The following NRG1 variants were observed in gnomAD, a reference collection of about 807,000 sequenced individuals.
The protein encoded by NRG1 is pro-neuregulin-1, membrane-bound isoform.
NRG1 carries 18 observed loss-of-function variants against 63.8 expected under a neutral mutation model. That is an observed-to-expected ratio of 0.28 (90% CI 0.19 to 0.42). NRG1 has a LOEUF of 0.42. NRG1 is among the 10% of genes least tolerant of loss of function. The pLI is 1.00. For synonymous variants in NRG1, 302 were observed against 301.3 expected (o/e 1.00, Z -0.02); for missense variants, 762 against 814.7 (o/e 0.94, Z 0.79).
chr8:32,548,629 C>G (rs1014374388), exon 1 of NRG1: 75 of 1,444,722 alleles, frequency 5.2e-5, no homozygotes, highest in South Asian at 2.3e-4. Flanking sequence ...TCGCTCTCCC[C>G]CTCGAGGGAC....
chr8:31,771,555 A>G (rs1014697401), intron 1 of NRG1, among the ~76,000 whole-genome samples: 1 of 152,210 alleles, frequency 6.6e-6, no homozygotes, highest in Non-Finnish European at 1.5e-5. Context: ...CAGGATTGCT[A>G]TGATGACTAA....
chr8:31,825,182 G>C (rs1824420754), intron 1 of NRG1, among the ~76,000 whole-genome samples: 1 of 152,118 alleles, frequency 6.6e-6, no homozygotes, highest in South Asian at 2.1e-4. Context: ...GAGGTCAAGA[G>C]ATGGAGACCA....
chr8:31,724,123 A>T (rs368744533), intron 1 of NRG1, among the ~76,000 whole-genome samples: 7 of 152,256 alleles, frequency 4.6e-5, no homozygotes, highest in Admixed American at 1.3e-4. Flanking sequence ...ATGGTGGTTC[A>T]TGACTGTCAT....
Position 31,701,409 on chromosome 8 carries a change from A to G in NRG1, c.37+61978A>G, listed in dbSNP as rs1413876328. On this transcript the variant is annotated intron_variant, in intron 1 of 10. Coordinates refer to the NRG1 transcript ENST00000519301. Reference sequence around the variant, plus strand: ...AATTTCTTGTTAATTTCTTGACATAAAAGCTCTTATGAACATACATATTCC... The same window carrying G: ...AATTTCTTGTTAATTTCTTGACATAGAAGCTCTTATGAACATACATATTCC... Among the ~76,000 whole-genome samples the G allele has an allele frequency of 3.3e-5, 5 of 152,182 alleles. No homozygotes were observed. In the South Asian group the frequency reaches 8.3e-4, roughly 25 times the overall value.
intron 1 of NRG1, among the ~76,000 whole-genome samples, chr8:32,353,554 G>C (rs1243028627): frequency 6.6e-6 from 1 of 152,096 alleles, no homozygotes; most frequent in African/African-American, 2.4e-5. Context: ...TAGCCAAAAA[G>C]CATATAAAAT....
chr8:31,673,453 C>T (rs1057004200), intron 1 of NRG1, among the ~76,000 whole-genome samples: 4 of 152,142 alleles, frequency 2.6e-5, no homozygotes, highest in Non-Finnish European at 4.4e-5. Flanking sequence ...CTCAGTATTA[C>T]CTGTCACTTT....
chr8:32,194,321 C>A (rs879588458), intron 1 of NRG1, among the ~76,000 whole-genome samples: 2 of 152,126 alleles, frequency 1.3e-5, no homozygotes, highest in Admixed American at 1.3e-4. Flanking sequence ...AAAATGCATG[C>A]AGAAATGACT....
chr8:32,622,322 C>T lies in NRG1; in HGVS notation c.502+5437C>T, dbSNP rs1038595145. 3.9e-5 allele frequency among the ~76,000 whole-genome samples: 6 copies of T among 152,080 alleles called. No individual in the cohort carries two copies. The East Asian group carries it at 5.8e-4, about 15-fold the overall frequency. ...AATAAATTCTGGTGCTGCTAATTACCGTATAATTTTAAACAAATTATGTGA... is the reference window on the plus strand; with the variant it reads ...AATAAATTCTGGTGCTGCTAATTACTGTATAATTTTAAACAAATTATGTGA... On this transcript the variant is annotated intron_variant, in intron 5 of 11. Coordinates refer to ENST00000356819, the Ensembl canonical transcript of NRG1.
intron 1 of NRG1, among the ~76,000 whole-genome samples, chr8:32,353,005 C>T (rs1245165421): frequency 6.7e-6 from 1 of 149,634 alleles, no homozygotes; most frequent in Non-Finnish European, 1.5e-5. Flanking sequence ...CTCATTTCCT[C>T]CACAAATGTT....
At chr8:32,655,868 T>A (rs777744118) in intron 5 of NRG1, among the ~76,000 whole-genome samples, 16 of 152,114 alleles carry the variant, frequency 1.1e-4, no homozygotes, top group Non-Finnish European at 2.1e-4. Flanking sequence ...TTGGAAAGAT[T>A]GGGACAACGG....
At chr8:32,385,592 G>C (rs906845363) in intron 1 of NRG1, among the ~76,000 whole-genome samples, 1 of 152,098 alleles carries the variant, frequency 6.6e-6, no homozygotes, top group Non-Finnish European at 1.5e-5. Context: ...TTACATGGTA[G>C]GAACAGAAGC....
At chr8:32,353,798 C>A (rs1321023669) in intron 1 of NRG1, among the ~76,000 whole-genome samples, 1 of 152,164 alleles carries the variant, frequency 6.6e-6, no homozygotes, top group African/African-American at 2.4e-5. Flanking sequence ...CCCATGTAAG[C>A]CAGCCAGTCC....
intron 1 of NRG1, among the ~76,000 whole-genome samples, chr8:32,527,997 C>G (rs946389000): frequency 6.6e-6 from 1 of 152,156 alleles, no homozygotes; most frequent in Non-Finnish European, 1.5e-5. Flanking sequence ...GTACATGTGC[C>G]GTTCCCCTTT....
In NRG1 at chr8:32,708,199, T is replaced by G. The variant is rs189298801; in HGVS notation, c.503-19750T>G. On this transcript the variant is annotated intron_variant, in intron 5 of 11. Coordinates refer to ENST00000356819, the Ensembl canonical transcript of NRG1. ...GTTCTTATATCTGCTTCTGAAATAG[T>G]TAAACAGATTATTGAAAAAGACCTC... 1.1e-4 allele frequency among the ~76,000 whole-genome samples: 17 copies of G among 152,278 alleles called. No individual in the cohort carries two copies. The East Asian group carries it at 2.9e-3, about 26-fold the overall frequency.
chr8:32,762,359 T>G (rs544646838), intron 11 of NRG1, among the ~76,000 whole-genome samples: 1 of 152,312 alleles, frequency 6.6e-6, no homozygotes, highest in Non-Finnish European at 1.5e-5. Context: ...ATTTCCCCAC[T>G]GTGCTGGGCT....
chr8:32,121,258 A>G (rs1174930429), intron 1 of NRG1, among the ~76,000 whole-genome samples: 1 of 152,022 alleles, frequency 6.6e-6, no homozygotes, highest in Non-Finnish European at 1.5e-5. Flanking sequence ...TGTGTATATA[A>G]AGTTAATGCA....
In NRG1 at chr8:31,685,720, T is replaced by C. The variant is rs117152931; in HGVS notation, c.37+46289T>C. Reference sequence around the variant, plus strand: ...ACGTACTTTTTATTTCTATGGTTTTTCTCATTCTGGAGATTACATAGAAAT... The same window carrying C: ...ACGTACTTTTTATTTCTATGGTTTTCCTCATTCTGGAGATTACATAGAAAT... On this transcript the variant is annotated intron_variant, in intron 1 of 10. Transcript: ENST00000519301. Among the ~76,000 whole-genome samples, 1,430 of 152,298 alleles carry C rather than the reference T, an allele frequency of 9.4e-3. 45 individuals are homozygous for C. In the South Asian group the frequency reaches 0.12, roughly 12 times the overall value.
At chr8:32,025,252 T>C (rs1817061304) in intron 1 of NRG1, among the ~76,000 whole-genome samples, 1 of 152,164 alleles carries the variant, frequency 6.6e-6, no homozygotes, top group African/African-American at 2.4e-5. Flanking sequence ...TATGTTGTTT[T>C]GCTAAAAACA....
intron 6 of NRG1, among the ~76,000 whole-genome samples, chr8:32,740,967 T>C (rs962089940): frequency 6.6e-6 from 1 of 152,154 alleles, no homozygotes; most frequent in Admixed American, 6.6e-5. Flanking sequence ...TAATAATAAT[T>C]ATGATGATGG....
Sources: allele counts gnomAD v4.1 joint callset (sites outside exome capture counted in the v4.1 genomes callset), GRCh38; gene constraint gnomAD v4.1.1; transcripts MANE v1.5; gene names NCBI Gene and HGNC (gene_info 2026-07-23, HGNC 2026-07-21).